Variants in LRRC4C observed in about 807,000 individuals in gnomAD.
LRRC4C encodes the protein leucine rich repeat containing 4C.
LRRC4C carries 5 observed loss-of-function variants against 33.6 expected under a neutral mutation model. The observed-to-expected ratio is 0.15, with a 90% CI of 0.08 to 0.31. The LOEUF is 0.31. Ranked by LOEUF, LRRC4C falls within the 10% of genes least tolerant of loss-of-function variation. LRRC4C has a pLI of 1.00. For synonymous variants in LRRC4C, 329 were observed against 302.0 expected (o/e 1.09, Z -0.93); for missense variants, 560 against 796.7 (o/e 0.70, Z 3.58).
At chr11:40,504,462 TTGG>T (rs1194879621) in intron 3 of LRRC4C, among the ~76,000 whole-genome samples, 1 of 106,350 alleles carries the variant, frequency 9.4e-6, no homozygotes, top group African/African-American at 4.5e-5. Flanking sequence ...CAGATGCCAC[TTGG>T]AGGCATCTGT....
intron 1 of LRRC4C, among the ~76,000 whole-genome samples, chr11:41,230,687 T>C (rs1394827654): frequency 6.6e-6 from 1 of 152,056 alleles, no homozygotes; most frequent in Non-Finnish European, 1.5e-5. Flanking sequence ...ATTCAGGATA[T>C]AGGCATGGGC....
intron 1 of LRRC4C, among the ~76,000 whole-genome samples, chr11:41,420,772 G>A (rs1331117839): frequency 6.6e-6 from 1 of 151,940 alleles, no homozygotes; most frequent in Non-Finnish European, 1.5e-5. Context: ...TCTCTAAAGA[G>A]TTAATAATTA....
intron 2 of LRRC4C, among the ~76,000 whole-genome samples, chr11:40,665,038 C>G (rs1943647172): frequency 6.7e-6 from 1 of 149,086 alleles, no homozygotes; most frequent in Non-Finnish European, 1.5e-5. Context: ...GGTTTTTTGT[C>G]CTTGCGGTAG....
intron 5 of LRRC4C, among the ~76,000 whole-genome samples, chr11:40,206,927 G>C (rs898913892): frequency 1.3e-5 from 2 of 151,954 alleles, no homozygotes; most frequent in Non-Finnish European, 2.9e-5. Context: ...CATAAACCTG[G>C]GGGAAGGGGA....
At chr11:40,852,935 G>T (rs1429612501) in intron 2 of LRRC4C, among the ~76,000 whole-genome samples, 1 of 152,140 alleles carries the variant, frequency 6.6e-6, no homozygotes, top group African/African-American at 2.4e-5. Context: ...TGTCTTAAAG[G>T]TGATGGATTT....
In LRRC4C at chr11:41,390,983, TAA is replaced by T. The variant is rs35303507; in HGVS notation, c.-496+68446_-496+68447del. On this transcript the variant is annotated intron_variant, in intron 1 of 6. Transcript: ENST00000528697. ...ATACAGGGTTGAGGTTTGCTTTAAT[TAA>T]AAAAAAAAAAAAAGTGTCCTGCCTT... 1.6e-3 allele frequency among the ~76,000 whole-genome samples: 228 copies of T among 139,754 alleles called. 3 individuals carry two copies. The highest frequency in any genetic ancestry group is 5.4e-3 in the African/African-American group (204 of 37,738). 91.7% of individuals were successfully genotyped at this position (139,754 alleles called of 152,430 possible).
Position 40,114,428 on chromosome 11 carries a change from T to C in LRRC4C, c.1865A>G (p.His622Arg). Residue 622 changes from histidine (H) to arginine (R), a missense_variant, in exon 7 of 7, where the codon CAT (histidine) becomes CGT (arginine). Around this residue, in one of 3 missense-constraint regions of LRRC4C, gnomAD observed 103 missense variants for 132.1 expected, o/e 0.78. Transcript: ENST00000528697. ...NTINSIHSSV[H>R]EPLLIRMNSK... ...GTTCATTCGGATCAATAACGGTTCATGCACTGAACTGTGTATTGAATTTAT... is the reference window on the plus strand; with the variant it reads ...GTTCATTCGGATCAATAACGGTTCACGCACTGAACTGTGTATTGAATTTAT... 6.2e-7 allele frequency: 1 copy of C among 1,614,114 alleles called. No individual in the cohort carries two copies. The highest frequency in any genetic ancestry group is 1.1e-5 in the South Asian group (1 of 91,084).
At chr11:41,013,278 C>T (rs2137561151) in intron 1 of LRRC4C, among the ~76,000 whole-genome samples, 1 of 152,250 alleles carries the variant, frequency 6.6e-6, no homozygotes, top group South Asian at 2.1e-4. Flanking sequence ...CTGCTTTTAA[C>T]CTGTGTCTTT....
chr11:40,738,260 C>T (rs1449194068), intron 2 of LRRC4C, among the ~76,000 whole-genome samples: 2 of 152,024 alleles, frequency 1.3e-5, no homozygotes, highest in Non-Finnish European at 2.9e-5. Flanking sequence ...CCTAGCTCCT[C>T]TTTTTCTGAG....
intron 1 of LRRC4C, among the ~76,000 whole-genome samples, chr11:41,046,983 G>A (rs1377344663): frequency 6.6e-6 from 1 of 152,016 alleles, no homozygotes; most frequent in Non-Finnish European, 1.5e-5. Context: ...GACATCAAAA[G>A]CAGAAGAAAC....
intron 1 of LRRC4C, among the ~76,000 whole-genome samples, chr11:41,001,559 CTG>C (rs1057044711): frequency 8.5e-5 from 13 of 152,094 alleles, no homozygotes; most frequent in African/African-American, 3.1e-4. Flanking sequence ...TCTTCTCAGC[CTG>C]TCTTAAATCT....
rs536902843 is a variant in LRRC4C, at chr11:40,379,305, G to T, written c.-269-59584C>A. ...ATAAAATATAAAATTATTTTTTGAA[G>T]AACATAGATTAATTAATTAGGCTTC... On this transcript the variant is annotated intron_variant, in intron 3 of 6. Coordinates refer to ENST00000528697, the MANE Select transcript of LRRC4C (RefSeq NM_001258419.2). 2.6e-5 allele frequency among the ~76,000 whole-genome samples: 4 copies of T among 151,980 alleles called. No individual in the cohort carries two copies. In the South Asian group the frequency reaches 8.3e-4, roughly 32 times the overall value.
intron 5 of LRRC4C, among the ~76,000 whole-genome samples, chr11:40,199,273 G>T (rs577144079): frequency 1.3e-5 from 2 of 152,230 alleles, no homozygotes; most frequent in African/African-American, 4.8e-5. Context: ...GTTTCACAAT[G>T]TTGGCCAGGC....
chr11:40,714,452 T>C (rs1946613048), intron 2 of LRRC4C, among the ~76,000 whole-genome samples: 2 of 152,220 alleles, frequency 1.3e-5, no homozygotes, highest in African/African-American at 4.8e-5. Flanking sequence ...CAGTCCCATT[T>C]GGCCAACCAC....
At chr11:40,978,029 A>C (rs1323147349) in intron 1 of LRRC4C, among the ~76,000 whole-genome samples, 1 of 152,204 alleles carries the variant, frequency 6.6e-6, no homozygotes, top group Admixed American at 6.5e-5. Context: ...CTGACAATGT[A>C]TCTATCACCA....
chr11:40,735,666 A>G (rs1260274812), intron 2 of LRRC4C, among the ~76,000 whole-genome samples: 1 of 134,826 alleles, frequency 7.4e-6, no homozygotes, highest in Non-Finnish European at 1.6e-5. Context: ...TCCTTTGGGT[A>G]TATACCCAGT....
chr11:40,247,601 C>T (rs945320546), intron 4 of LRRC4C, among the ~76,000 whole-genome samples: 2 of 152,120 alleles, frequency 1.3e-5, no homozygotes, highest in African/African-American at 4.8e-5. Context: ...TTCCCAGAGC[C>T]TACACTCCAG....
chr11:41,176,469 C>CAGA (rs1278089185), intron 1 of LRRC4C, among the ~76,000 whole-genome samples: 2 of 152,080 alleles, frequency 1.3e-5, no homozygotes, highest in African/African-American at 4.8e-5. Context: ...GTCCTGCATC[C>CAGA]ATTCATTCAA....
intron 1 of LRRC4C, among the ~76,000 whole-genome samples, chr11:41,176,282 C>T (rs1415750131): frequency 2.0e-5 from 3 of 151,976 alleles, no homozygotes; most frequent in East Asian, 3.9e-4. Context: ...TGGGAATACC[C>T]GAACCCAAAA....
Sources: allele counts gnomAD v4.1 joint callset (sites outside exome capture counted in the v4.1 genomes callset), GRCh38; gene constraint gnomAD v4.1.1; regional missense constraint gnomAD v4.1.1; transcripts MANE v1.5; gene names NCBI Gene and HGNC (gene_info 2026-07-23, HGNC 2026-07-21).